TRIP12: variants seen among roughly 807,000 people sequenced by gnomAD.
The protein encoded by TRIP12 is thyroid hormone receptor interactor 12, also known as E3 ubiquitin-protein ligase TRIP12.
TRIP12 carries 25 observed loss-of-function variants against 244.2 expected under a neutral mutation model. The ratio of observed to expected loss-of-function variants is 0.10; its 90% CI spans 0.07 to 0.14. The LOEUF (loss-of-function observed/expected upper bound fraction) is 0.14. TRIP12 is among the 10% of genes least tolerant of loss of function. TRIP12 has a pLI of 1.00. For synonymous variants in TRIP12, 905 were observed against 873.1 expected (o/e 1.04, Z -0.64); for missense variants, 1,677 against 2,486.4 (o/e 0.67, Z 6.92).
At position 229,797,779 on chromosome 2, in the gene TRIP12, A is replaced by C. The variant is rs1293880953; in HGVS notation, c.3535T>G (p.Tyr1179Asp). Residue 1179 changes from tyrosine (Y) to aspartate (D), a missense_variant, in exon 24 of 42, where the codon TAT becomes GAT. Tyr to Asp is a radical substitution (Grantham distance 160). Around this residue, in one of 11 missense-constraint regions of TRIP12, gnomAD observed 572 missense variants for 867.8 expected, o/e 0.66. Transcript: ENST00000675903. ...KEQAHKFVERYFSSENMDGSN... is the reference protein window; with the variant it reads ...KEQAHKFVERDFSSENMDGSN... ...CCATCCATATTCTCAGAACTGAAATAACGTTCTACAAATTTATGTGCCTGC... is the reference window on the plus strand; with the variant it reads ...CCATCCATATTCTCAGAACTGAAATCACGTTCTACAAATTTATGTGCCTGC... 1.2e-6 allele frequency: 2 copies of C among 1,614,034 alleles called. No individual in the cohort carries two copies.
In TRIP12 at chr2:229,827,880, T is replaced by C. The variant is rs147651100; in HGVS notation, c.1450+1313A>G. On this transcript the variant is annotated intron_variant, in intron 8 of 41. Transcript: ENST00000675903. ...ATAGTTAGGGTTACCGTATTTTATG[T>C]GTGGCCCAAGACAATTCTTCTTCTT... 2.3e-3 allele frequency among the ~76,000 whole-genome samples: 351 copies of C among 152,310 alleles called. 1 individual carries two copies. Among genetic ancestry groups the C allele is most frequent in the African/African-American group, 7.9e-3 (327 of 41,558 alleles).
chr2:229,868,727 G>T (rs183415176), intron 2 of TRIP12, among the ~76,000 whole-genome samples: 1 of 152,272 alleles, frequency 6.6e-6, no homozygotes, highest in East Asian at 1.9e-4. Flanking sequence ...TTAAACAGAC[G>T]AATGAAGAAA....
At position 229,808,648 on chromosome 2, in the gene TRIP12, C is replaced by G. The variant is rs1205333200; in HGVS notation, c.2222-279G>C. Among the ~76,000 whole-genome samples the G allele has an allele frequency of 2.0e-5, 3 of 152,166 alleles. No individual in the cohort carries two copies. In the East Asian group the frequency reaches 5.8e-4, roughly 29 times the overall value. On this transcript the variant is annotated intron_variant, in intron 15 of 41. Transcript: ENST00000675903. ...TTCTCACCCCTGAGACTTCAGGAAC[C>G]CTTTATTTCTTTCCTTGAGAAGCAT...
At chr2:229,878,283 C>T (rs139001901) in intron 2 of TRIP12, among the ~76,000 whole-genome samples, 2,128 of 152,046 alleles carry the variant, frequency 0.014, 53 homozygotes, top group African/African-American at 0.047. Context: ...AACACCATCT[C>T]TACTAAAAAT....
At chr2:229,842,062 T>C (rs945426928) in intron 4 of TRIP12, among the ~76,000 whole-genome samples, 8 of 152,216 alleles carry the variant, frequency 5.3e-5, no homozygotes, top group African/African-American at 1.9e-4. Flanking sequence ...GCTATAAAGA[T>C]AAAAATCTAT....
intron 1 of TRIP12, among the ~76,000 whole-genome samples, chr2:229,901,531 G>A (rs575581808): frequency 6.6e-6 from 1 of 150,644 alleles, no homozygotes; most frequent in Non-Finnish European, 1.5e-5. Context: ...GCTGAGGCAG[G>A]AGAACTGCTT....
intron 33 of TRIP12, 135 bp downstream of exon 33, chr2:229,787,368 CTG>C (rs1302745603): frequency 7.3e-6 from 6 of 816,574 alleles, no homozygotes; most frequent in Non-Finnish European, 1.1e-5. Context: ...TTCCAAGAGA[CTG>C]AAAGGAAAAT....
At chr2:229,801,389 T>A (rs1339811161) in intron 21 of TRIP12, among the ~76,000 whole-genome samples, 1 of 152,208 alleles carries the variant, frequency 6.6e-6, no homozygotes, top group Admixed American at 6.5e-5. Flanking sequence ...CCTACCTGAG[T>A]TGGCTGCCTG....
rs1446383727 is a variant in TRIP12, at chr2:229,806,735, GATTT to G, written c.2497-856_2497-853del. Among the ~76,000 whole-genome samples, 5 of 152,132 alleles carry G rather than the reference GATTT, an allele frequency of 3.3e-5. No homozygotes were observed. In the South Asian group the frequency reaches 8.3e-4, roughly 25 times the overall value. On this transcript the variant is annotated intron_variant, in intron 17 of 41. Transcript: ENST00000675903. Reference sequence around the variant, plus strand: ...CTCATAAAAGCTTGCTCTGAAACTGGATTTATTTTTAAAACTCTTGATTTTATGA... The same window carrying G: ...CTCATAAAAGCTTGCTCTGAAACTGGATTTTTAAAACTCTTGATTTTATGA...
intron 2 of TRIP12, among the ~76,000 whole-genome samples, chr2:229,870,137 T>C (rs568640408): frequency 7.9e-5 from 12 of 152,282 alleles, no homozygotes; most frequent in African/African-American, 2.6e-4. Flanking sequence ...TAACTACCCA[T>C]CAAAACGCAT....
intron 33 of TRIP12, among the ~76,000 whole-genome samples, chr2:229,786,936 G>A (rs1397589302): frequency 1.3e-5 from 2 of 152,214 alleles, no homozygotes; most frequent in Non-Finnish European, 2.9e-5. Flanking sequence ...GTGCTGGTGA[G>A]AACTGTAGAA....
At chr2:229,840,620 T>C (rs1223259638) in intron 5 of TRIP12, among the ~76,000 whole-genome samples, 3 of 152,074 alleles carry the variant, frequency 2.0e-5, no homozygotes, top group Admixed American at 1.3e-4. Context: ...GAGAACCACC[T>C]GAACCCGGGA....
At chr2:229,836,776 A>T in intron 6 of TRIP12, 72 bp downstream of exon 6, 173 of 1,317,930 alleles carry the variant, frequency 1.3e-4, no homozygotes, top group Middle Eastern at 1.8e-4. Context: ...CACCTAGCAT[A>T]CTTCCCTCCC....
At chr2:229,862,298 T>A (rs1444242063) in intron 2 of TRIP12, among the ~76,000 whole-genome samples, 1 of 152,210 alleles carries the variant, frequency 6.6e-6, no homozygotes, top group Non-Finnish European at 1.5e-5. Flanking sequence ...TTTGTTATAT[T>A]TCTACTAACA....
At chr2:229,913,992 G>A (rs1477708561) in intron 1 of TRIP12, among the ~76,000 whole-genome samples, 2 of 152,078 alleles carry the variant, frequency 1.3e-5, no homozygotes, top group Non-Finnish European at 2.9e-5. Context: ...TACAGGCCAG[G>A]CGCGGTGGCT....
chr2:229,818,643 G>C, intron 8 of TRIP12, 131 bp from the exon 9 acceptor site: 1 of 805,434 alleles, frequency 1.2e-6, no homozygotes, highest in Non-Finnish European at 1.9e-6. Context: ...CTATACCAGG[G>C]TTAAGGCTCA....
chr2:229,917,940 C>A (rs2075811499), intron 1 of TRIP12, among the ~76,000 whole-genome samples: 1 of 152,086 alleles, frequency 6.6e-6, no homozygotes, highest in African/African-American at 2.4e-5. Context: ...CTCCCACGTC[C>A]TCACCTCCAG....
chr2:229,879,665 C>T (rs2064399197), intron 2 of TRIP12, among the ~76,000 whole-genome samples: 1 of 152,122 alleles, frequency 6.6e-6, no homozygotes, highest in African/African-American at 2.4e-5. Flanking sequence ...GGAAAAAGAC[C>T]ACGAATGGTG....
intron 8 of TRIP12, among the ~76,000 whole-genome samples, chr2:229,822,453 A>T (rs1426261658): frequency 6.6e-6 from 1 of 152,252 alleles, no homozygotes; most frequent in Admixed American, 6.5e-5. Flanking sequence ...AACAAAGAAA[A>T]CAGTGACTAG....
Sources: allele counts gnomAD v4.1 joint callset (sites outside exome capture counted in the v4.1 genomes callset), GRCh38; gene constraint gnomAD v4.1.1; regional missense constraint gnomAD v4.1.1; transcripts MANE v1.5; gene names NCBI Gene and HGNC (gene_info 2026-07-23, HGNC 2026-07-21).